The following KCNG1 variants were observed in gnomAD, a reference collection of about 807,000 sequenced individuals.
KCNG1 encodes voltage-gated potassium channel regulatory subunit KCNG1.
Under a neutral mutation model 32.4 loss-of-function variants are expected in KCNG1, and 17 were observed. That is an observed-to-expected ratio of 0.52 (90% CI 0.36 to 0.79). The LOEUF is 0.79. KCNG1 is among the 30% of genes least tolerant of loss of function. The pLI, the probability that KCNG1 is intolerant of heterozygous loss-of-function variation, is 0.00. For missense variants in KCNG1, 441 were observed against 735.2 expected (o/e 0.60, Z 4.63); for synonymous variants, 358 against 339.9 (o/e 1.05, Z -0.59).
intron 1 of KCNG1, among the ~76,000 whole-genome samples, chr20:51,016,218 C>G (rs576764881): frequency 6.6e-6 from 1 of 152,278 alleles, no homozygotes; most frequent in Non-Finnish European, 1.5e-5. Context: ...GGGTGGATCA[C>G]TTGAGGCCAG....
chr20:51,021,308 C>T (rs1988472918), intron 1 of KCNG1, among the ~76,000 whole-genome samples: 1 of 152,224 alleles, frequency 6.6e-6, no homozygotes. Flanking sequence ...CCTTCCCCTC[C>T]TATCAGGCGA....
chr20:51,004,348 G>A lies in KCNG1; in HGVS notation c.1233C>T (p.Ile411=), dbSNP rs755634559. 1.2e-6 allele frequency: 2 copies of A among 1,613,826 alleles called. No homozygotes were observed. Among genetic ancestry groups the A allele is most frequent in the African/African-American group, 2.7e-5 (2 of 74,922 alleles). ...TGACAGCCCACCAGTAGCAGGCAGG[G>A]ATGCTGGTGAACTCGGGGCTGTCGG... The part of the protein sequence containing the change: ...EMADSPEFTS[I]PACYWWAVIT... The change falls in exon 3 of 3, where the codon ATC becomes ATT. Residue 411 remains isoleucine (I), a synonymous_variant. Coordinates refer to ENST00000371571, the MANE Select transcript of KCNG1 (RefSeq NM_002237.4). This position sits in a 1 kb window ranked among gnomAD's most constrained non-coding sequence, Gnocchi z 4.3.
At chr20:51,022,616 C>G (rs1334387428) in intron 1 of KCNG1, 6 of 152,156 alleles carry the variant, frequency 3.9e-5, no homozygotes, top group Non-Finnish European at 8.8e-5. Context: ...CTTCGCATCC[C>G]GGTGACCCCT....
At chr20:51,010,470 C>T in intron 1 of KCNG1, 106 bp from the exon 2 acceptor site, 1 of 811,606 alleles carries the variant, frequency 1.2e-6, no homozygotes, top group South Asian at 1.9e-5. Flanking sequence ...ATCTTTGTCC[C>T]CCACATCCAT....
In KCNG1 at chr20:51,004,413, G is replaced by A. The variant is rs760866819; in HGVS notation, c.1168C>T (p.Leu390Phe). The change falls in exon 3 of 3, where the codon CTC (leucine) becomes TTC (phenylalanine). Residue 390 changes from leucine (L) to phenylalanine (F), a missense_variant. By Grantham distance (22) the Leu-to-Phe change is conservative. Around this residue, in one of 6 missense-constraint regions of KCNG1, gnomAD observed 169 missense variants for 297.7 expected, o/e 0.57. Transcript: ENST00000371571. The surrounding 1 kb of genome is among the most constrained non-coding windows in gnomAD (Gnocchi z 4.3). ...LLLFLCVAIALFAPLLYVIEN... is the reference protein window; with the variant it reads ...LLLFLCVAIAFFAPLLYVIEN... ...ATGACGTAGAGCAGGGGCGCGAAGAGGGCGATGGCCACGCAGAGGAAGAGC... is the reference window on the plus strand; with the variant it reads ...ATGACGTAGAGCAGGGGCGCGAAGAAGGCGATGGCCACGCAGAGGAAGAGC... 16 of 1,611,278 alleles carry A rather than the reference G, an allele frequency of 9.9e-6. No individual in the cohort carries two copies. Among genetic ancestry groups the A allele is most frequent in the South Asian group, 8.8e-5 (8 of 91,038 alleles).
intron 1 of KCNG1, among the ~76,000 whole-genome samples, chr20:51,012,572 T>A (rs1397545712): frequency 6.6e-6 from 1 of 152,254 alleles, no homozygotes; most frequent in Non-Finnish European, 1.5e-5. Flanking sequence ...TCAACTTGCA[T>A]GGACTCCTTC....
chr20:51,018,494 G>A (rs1007298644), intron 1 of KCNG1, among the ~76,000 whole-genome samples: 16 of 152,078 alleles, frequency 1.1e-4, no homozygotes, highest in South Asian at 6.2e-4. Flanking sequence ...AACAAGCTGC[G>A]GGCCTCTCTG....
chr20:51,007,514 T>C (rs1987877886), intron 2 of KCNG1, among the ~76,000 whole-genome samples: 2 of 151,244 alleles, frequency 1.3e-5, no homozygotes, highest in South Asian at 4.2e-4. Flanking sequence ...TTTAAAAAAG[T>C]TTAAAAAGTT....
rs1988262555 is a variant in KCNG1 at position 51,015,827 on chromosome 20, G to A, written c.-26-5463C>T. Reference sequence around the variant, plus strand: ...TGGGTGGGCCCAGTGTAATCAACAGGGTCCTTATTTGTGGAAAAAGAAAGC... The same window carrying A: ...TGGGTGGGCCCAGTGTAATCAACAGAGTCCTTATTTGTGGAAAAAGAAAGC... On this transcript the variant is annotated intron_variant, in intron 1 of 2. Transcript: ENST00000371571. This position sits in a 1 kb window ranked among gnomAD's most constrained non-coding sequence, Gnocchi z 4.4. 6.6e-6 allele frequency among the ~76,000 whole-genome samples: 1 copy of A among 152,166 alleles called. No homozygotes were observed.
Position 51,010,146 on chromosome 20 carries a change from T to C in KCNG1, c.193A>G (p.Ile65Val). 1 of 1,611,872 alleles carries C rather than the reference T, an allele frequency of 6.2e-7. No homozygotes were observed. Among genetic ancestry groups the C allele is most frequent in the Non-Finnish European group, 8.5e-7 (1 of 1,178,926 alleles). The change falls in exon 2 of 3, where the codon ATC becomes GTC. Residue 65 changes from isoleucine to valine, a missense_variant. Transcript: ENST00000371571. Reference protein sequence around the residue: ...GCQPEDRRRRIIINVGGIKYS... With the variant: ...GCQPEDRRRRVIINVGGIKYS... ...TTGATGCCGCCTACGTTGATGATGA[T>C]CCGACGGCGGCGGTCCTCGGGCTGA...
chr20:51,018,874 G>A (rs1005700508), intron 1 of KCNG1, among the ~76,000 whole-genome samples: 2 of 152,254 alleles, frequency 1.3e-5, no homozygotes, highest in Non-Finnish European at 2.9e-5. Flanking sequence ...TTCCTTTCGG[G>A]GAGCTGGTGT....
At chr20:51,019,637 T>A (rs1390678536) in intron 1 of KCNG1, among the ~76,000 whole-genome samples, 1 of 152,216 alleles carries the variant, frequency 6.6e-6, no homozygotes, top group African/African-American at 2.4e-5. Flanking sequence ...ATTTCTCTCC[T>A]GTACTCTGCA....
At chr20:51,007,282 T>C (rs1987865392) in intron 2 of KCNG1, 1 of 151,882 alleles carries the variant, frequency 6.6e-6, no homozygotes, top group African/African-American at 2.4e-5. Flanking sequence ...ACCTCCCAGA[T>C]TGAAGCAATT....
intron 1 of KCNG1, chr20:51,013,920 T>A (rs950608985): frequency 3.9e-5 from 6 of 152,224 alleles, no homozygotes; most frequent in African/African-American, 1.4e-4. Context: ...GGAAAATGCC[T>A]CACACAAGCC....
At chr20:51,007,597 T>C (rs1340152935) in intron 2 of KCNG1, among the ~76,000 whole-genome samples, 1 of 152,244 alleles carries the variant, frequency 6.6e-6, no homozygotes, top group Non-Finnish European at 1.5e-5. Flanking sequence ...CATGAGGGCC[T>C]ACTTCCTCCA....
chr20:51,007,222 G>A (rs1176170721), intron 2 of KCNG1: 3 of 151,214 alleles, frequency 2.0e-5, no homozygotes, highest in Non-Finnish European at 4.4e-5. Flanking sequence ...GTCTCACTCT[G>A]TTGCCCAGAC....
chr20:51,021,339 C>T (rs531180628), intron 1 of KCNG1, among the ~76,000 whole-genome samples: 16 of 152,266 alleles, frequency 1.1e-4, no homozygotes, highest in East Asian at 5.8e-4. Flanking sequence ...CTCCAAAAGC[C>T]GGGGGAGGCA....
Position 51,010,010 on chromosome 20 carries a change from ACGT to A in KCNG1, c.326_328del (p.Asp109del). Reference sequence around the variant, plus strand: ...GTCGAAGAAGAACTCGTTGCAGGTGACGTCGTAGTCATCGCACACGTTGAGGAT... The same window carrying A: ...GTCGAAGAAGAACTCGTTGCAGGTGACGTAGTCATCGCACACGTTGAGGAT... On this transcript the variant is annotated inframe_deletion, in exon 2 of 3. Transcript: ENST00000371571. 6.2e-7 allele frequency: 1 copy of A among 1,614,074 alleles called. No individual in the cohort carries two copies. The highest frequency in any genetic ancestry group is 8.5e-7 in the Non-Finnish European group (1 of 1,179,974).
At chr20:51,021,064 A>AT (rs1988462642) in intron 1 of KCNG1, among the ~76,000 whole-genome samples, 2 of 152,096 alleles carry the variant, frequency 1.3e-5, no homozygotes, top group African/African-American at 2.4e-5. Flanking sequence ...GGTTTGGTTG[A>AT]TTTTTTTACT....
Sources: gnomAD v4.1 joint callset for allele counts (sites outside exome capture counted in the v4.1 genomes callset) on GRCh38, gnomAD v4.1.1 for gene constraint, gnomAD v4.1.1 regional missense constraint, Gnocchi (gnomAD v3.1) non-coding constraint, MANE v1.5 for transcripts, NCBI Gene and HGNC (gene_info 2026-07-23, HGNC 2026-07-21) for gene names.